ABI2: variants seen among roughly 807,000 people sequenced by gnomAD.
ABI2 encodes the protein abl interactor 2.
In ABI2, 25 loss-of-function variants were observed where a neutral mutation model predicts 59.2. That is an observed-to-expected ratio of 0.42 (90% CI 0.31 to 0.59). The LOEUF (loss-of-function observed/expected upper bound fraction) is 0.59. Among genes scored for constraint, ABI2 ranks in the 20% least tolerant of loss-of-function variants. The pLI, the probability that ABI2 is intolerant of heterozygous loss-of-function variation, is 0.14. For synonymous variants in ABI2, 213 were observed against 235.5 expected, an observed-to-expected ratio of 0.90 and a Z score of 0.87; for missense variants, 545 against 681.8, an observed-to-expected ratio of 0.80 and a Z score of 2.23.
chr2:203,345,463 A>G (rs1222537081), intron 1 of ABI2, among the ~76,000 whole-genome samples: 1 of 152,120 alleles, frequency 6.6e-6, no homozygotes, highest in African/African-American at 2.4e-5. Flanking sequence ...GAAGGAACCA[A>G]TTCCGGACAC....
chr2:203,392,487 A>T (rs771896564), intron 5 of ABI2, among the ~76,000 whole-genome samples: 2 of 152,296 alleles, frequency 1.3e-5, no homozygotes, highest in African/African-American at 2.4e-5. Context: ...ATAAATTCCA[A>T]CCAGGAATAG....
intron 1 of ABI2, among the ~76,000 whole-genome samples, chr2:203,366,267 GGGCAACAT>G (rs1171797804): frequency 1.1e-4 from 17 of 152,284 alleles, no homozygotes; most frequent in African/African-American, 3.8e-4. Flanking sequence ...AGACCAGCTT[GGGCAACAT>G]GGCAATTTAC....
chr2:203,366,221 A>G (rs1411068403), intron 1 of ABI2, among the ~76,000 whole-genome samples: 1 of 152,174 alleles, frequency 6.6e-6, no homozygotes, highest in Non-Finnish European at 1.5e-5. Context: ...CAGGAGGCTG[A>G]GGCAGGCCAA....
intron 11 of ABI2, among the ~76,000 whole-genome samples, chr2:203,419,106 CTTTTTTT>C (rs748788810): frequency 2.4e-5 from 3 of 126,298 alleles, no homozygotes; most frequent in South Asian, 5.2e-4. Context: ...AATTAAAGAT[CTTTTTTT>C]TTTTTTTTTT....
chr2:203,333,943 C>CTTTTTTTTTTT (rs1428493426), intron 1 of ABI2, among the ~76,000 whole-genome samples: 1 of 143,460 alleles, frequency 7.0e-6, no homozygotes, highest in African/African-American at 2.6e-5. Flanking sequence ...TTTTTTCTTT[C>CTTTTTTTTTTT]TTTTTTTTTT....
chr2:203,430,866 C>T lies in ABI2; in HGVS notation c.*3514C>T, dbSNP rs545861559. On this transcript the variant is annotated 3_prime_UTR_variant, in exon 12 of 12. Coordinates refer to ENST00000261018, the MANE Select transcript of ABI2 (RefSeq NM_001375670.1). ...ATGTTGAAGATAACTAAAGATTTTT[C>T]TCTTTGGGAGGCATCAAAATGATGG... 6.6e-6 allele frequency: 1 copy of T among 152,256 alleles called. No individual in the cohort carries two copies. The highest frequency in any genetic ancestry group is 1.9e-4 in the East Asian group (1 of 5,178). The allele number at this position is 152,256 out of a possible 1,614,324, so 9.4% of individuals were successfully genotyped here. A position where few individuals can be genotyped will look rare whatever the true frequency, so the allele number is the denominator to read the frequency against.
intron 8 of ABI2, among the ~76,000 whole-genome samples, chr2:203,398,323 C>T (rs984421892): frequency 3.3e-5 from 5 of 152,052 alleles, no homozygotes; most frequent in Non-Finnish European, 7.4e-5. Flanking sequence ...AAGAATGCAT[C>T]AGAAAGGACA....
intron 9 of ABI2, among the ~76,000 whole-genome samples, chr2:203,403,621 A>G (rs946358820): frequency 1.5e-5 from 2 of 130,866 alleles, no homozygotes; most frequent in African/African-American, 5.4e-5. Context: ...AATCACGTAC[A>G]AAATAAGATT....
intron 2 of ABI2, among the ~76,000 whole-genome samples, chr2:203,378,595 A>T (rs946781570): frequency 1.3e-5 from 2 of 152,194 alleles, no homozygotes; most frequent in Non-Finnish European, 2.9e-5. Context: ...TACTTGAGGC[A>T]GTTTAGAAGG....
At chr2:203,394,102 A>T (rs918080644) in intron 5 of ABI2, among the ~76,000 whole-genome samples, 7 of 152,222 alleles carry the variant, frequency 4.6e-5, no homozygotes, top group Non-Finnish European at 7.3e-5. Flanking sequence ...GAGAAAAGAG[A>T]TCAAGGTGAA....
chr2:203,424,813 C>T (rs1427540560), intron 11 of ABI2, among the ~76,000 whole-genome samples: 3 of 152,196 alleles, frequency 2.0e-5, no homozygotes, highest in East Asian at 1.9e-4. Context: ...ACTCTCAGCT[C>T]TCTACCATTA....
chr2:203,343,586 C>G (rs1484211096), intron 1 of ABI2, among the ~76,000 whole-genome samples: 1 of 152,024 alleles, frequency 6.6e-6, no homozygotes, highest in Non-Finnish European at 1.5e-5. Context: ...GCTTGGGCCT[C>G]CCAAAGTGTT....
At chr2:203,341,518 C>T (rs1377696732) in intron 1 of ABI2, among the ~76,000 whole-genome samples, 1 of 151,930 alleles carries the variant, frequency 6.6e-6, no homozygotes, top group African/African-American at 2.4e-5. Flanking sequence ...AGTTTGAGAC[C>T]ACCTTGGCCA....
chr2:203,359,842 T>A (rs1473370285), intron 1 of ABI2, among the ~76,000 whole-genome samples: 1 of 59,718 alleles, frequency 1.7e-5, no homozygotes, highest in Non-Finnish European at 5.1e-5. Context: ...ACATGTACAT[T>A]TTTGGGGGGG....
In ABI2 at chr2:203,328,422, C is replaced by A. The variant is rs954686702; in HGVS notation, c.-93C>A. ...TCCGAGTTACCGCCGCCGTCGCCGC[C>A]GCTCCTCCTCTCCCGGTCCTGGGTT... On this transcript the variant is annotated 5_prime_UTR_variant, in exon 1 of 12. Coordinates refer to ENST00000261018, the MANE Select transcript of ABI2 (RefSeq NM_001375670.1). 18 of 1,056,334 alleles carry A rather than the reference C, an allele frequency of 1.7e-5. No individual in the cohort carries two copies. The highest frequency in any genetic ancestry group is 2.5e-5 in the Non-Finnish European group (18 of 717,226). 65.4% of individuals were successfully genotyped at this position (1,056,334 alleles called of 1,614,324 possible).
intron 11 of ABI2, among the ~76,000 whole-genome samples, chr2:203,419,106 CTTTTTTTTTTT>C (rs748788810): frequency 7.9e-6 from 1 of 126,308 alleles, no homozygotes; most frequent in Non-Finnish European, 1.7e-5. Context: ...AATTAAAGAT[CTTTTTTTTTTT>C]TTTTTTTTTG....
At chr2:203,397,969 C>T (rs977568203) in intron 8 of ABI2, among the ~76,000 whole-genome samples, 19 of 152,338 alleles carry the variant, frequency 1.2e-4, no homozygotes, top group South Asian at 8.3e-4. Flanking sequence ...CCACCTCCAA[C>T]ATTGGGGATT....
chr2:203,398,107 T>C (rs1429561158), intron 8 of ABI2, among the ~76,000 whole-genome samples: 1 of 152,252 alleles, frequency 6.6e-6, no homozygotes, highest in African/African-American at 2.4e-5. Flanking sequence ...GTTAAACATA[T>C]ATAAGATCTT....
intron 11 of ABI2, among the ~76,000 whole-genome samples, chr2:203,421,197 G>C (rs1156387366): frequency 2.0e-5 from 3 of 152,056 alleles, no homozygotes; most frequent in Non-Finnish European, 4.4e-5. Context: ...AGGAAAAGTA[G>C]GAGTTGTAAA....
Sources: gnomAD v4.1 joint callset for allele counts (sites outside exome capture counted in the v4.1 genomes callset) on GRCh38, gnomAD v4.1.1 for gene constraint, MANE v1.5 for transcripts, NCBI Gene and HGNC (gene_info 2026-07-23, HGNC 2026-07-21) for gene names.